The following SLC6A11 variants were observed in gnomAD, a reference collection of about 807,000 sequenced individuals.
The protein encoded by SLC6A11 is solute carrier family 6 member 11, also known as sodium- and chloride-dependent GABA transporter 3.
Under a neutral mutation model 74.8 loss-of-function variants are expected in SLC6A11, and 25 were observed. The observed-to-expected ratio is 0.33, with a 90% CI of 0.24 to 0.47. The LOEUF (loss-of-function observed/expected upper bound fraction) is 0.47. SLC6A11 is among the 20% of genes least tolerant of loss of function. The pLI, the probability that SLC6A11 is intolerant of heterozygous loss-of-function variation, is 1.00. For missense variants in SLC6A11, 574 were observed against 837.0 expected (o/e 0.69, Z 3.88); for synonymous variants, 330 against 330.2 (o/e 1.00, Z 0.01).
chr3:10,929,566 C>T (rs552477527), intron 10 of SLC6A11, among the ~76,000 whole-genome samples: 1 of 152,290 alleles, frequency 6.6e-6, no homozygotes, highest in Non-Finnish European at 1.5e-5. Context: ...GGCTGTTATT[C>T]ACAGAGGGGA....
intron 6 of SLC6A11, among the ~76,000 whole-genome samples, chr3:10,878,860 A>G (rs901233511): frequency 6.6e-6 from 1 of 152,202 alleles, no homozygotes; most frequent in African/African-American, 2.4e-5. Flanking sequence ...TTATGTGTGT[A>G]TATAATTGTG....
intron 7 of SLC6A11, 56 bp downstream of exon 7, chr3:10,912,249 C>A: frequency 8.5e-7 from 1 of 1,173,108 alleles, no homozygotes; most frequent in Non-Finnish European, 1.3e-6. Flanking sequence ...AGCCCTCTAA[C>A]CTGCCAGGCT....
At chr3:10,928,182 GTTATTA>G (rs962638791) in intron 9 of SLC6A11, among the ~76,000 whole-genome samples, 1 of 152,130 alleles carries the variant, frequency 6.6e-6, no homozygotes, top group Non-Finnish European at 1.5e-5. Flanking sequence ...TATTATTCGT[GTTATTA>G]TTATTAATTT....
intron 5 of SLC6A11, 66 bp downstream of exon 5, chr3:10,844,412 A>G (rs1694477864): frequency 2.5e-6 from 4 of 1,598,686 alleles, no homozygotes; most frequent in African/African-American, 1.3e-5. Context: ...GATGACCTAG[A>G]GAGTAACAGG....
intron 5 of SLC6A11, among the ~76,000 whole-genome samples, chr3:10,874,698 A>G (rs918943461): frequency 1.1e-4 from 17 of 151,978 alleles, no homozygotes; most frequent in Non-Finnish European, 2.5e-4. Context: ...GTTCCCCACA[A>G]CTGCCATCCC....
chr3:10,911,176 G>C (rs1695383682), intron 6 of SLC6A11, among the ~76,000 whole-genome samples: 1 of 152,176 alleles, frequency 6.6e-6, no homozygotes, highest in Non-Finnish European at 1.5e-5. Flanking sequence ...AATGCGTGCT[G>C]CCTGTACATT....
Position 10,938,604 on chromosome 3 carries a change from C to A in SLC6A11, c.*202C>A. 1 of 481,804 alleles carries A rather than the reference C, an allele frequency of 2.1e-6. No individual in the cohort carries two copies. Among genetic ancestry groups the A allele is most frequent in the Non-Finnish European group, 3.7e-6 (1 of 271,812 alleles). 29.8% of individuals were successfully genotyped at this position (481,804 alleles called of 1,614,324 possible). A position where few individuals can be genotyped will look rare whatever the true frequency, so the allele number is the denominator to read the frequency against. On this transcript the variant is annotated 3_prime_UTR_variant, in exon 14 of 14. Transcript: ENST00000254488. ...CCCCCAGTCATCATGGAAGTAACCA[C>A]TACAAAGAGATAACACTGTACGGGG...
At chr3:10,916,008 G>C (rs770617360) in intron 7 of SLC6A11, among the ~76,000 whole-genome samples, 1 of 152,112 alleles carries the variant, frequency 6.6e-6, no homozygotes, top group Non-Finnish European at 1.5e-5. Context: ...CCTAGTCCAC[G>C]GCTGGCATAC....
Position 10,915,520 on chromosome 3 carries a change from A to G in SLC6A11, c.996-2809A>G, listed in dbSNP as rs1436531592. On this transcript the variant is annotated intron_variant, in intron 7 of 13. Transcript: ENST00000254488. The surrounding 1 kb of genome is among the most constrained non-coding windows in gnomAD (Gnocchi z 4.3). ...TCTGGAGGTCTTAAAAGCCCAGCTCAGTGCCTGCCGACTTCAAAGCACTGT... is the reference window on the plus strand; with the variant it reads ...TCTGGAGGTCTTAAAAGCCCAGCTCGGTGCCTGCCGACTTCAAAGCACTGT... 6.6e-6 allele frequency among the ~76,000 whole-genome samples: 1 copy of G among 152,194 alleles called. No homozygotes were observed. Among genetic ancestry groups the G allele is most frequent in the Non-Finnish European group, 1.5e-5 (1 of 68,028 alleles).
At chr3:10,929,440 C>G (rs1695654280) in intron 10 of SLC6A11, 101 bp downstream of exon 10, 4 of 1,256,970 alleles carry the variant, frequency 3.2e-6, no homozygotes, top group Non-Finnish European at 4.5e-6. Context: ...AGGTCTAGTG[C>G]CCTCTGCCAC....
intron 5 of SLC6A11, among the ~76,000 whole-genome samples, chr3:10,859,750 T>C (rs532019830): frequency 6.6e-6 from 1 of 152,320 alleles, no homozygotes; most frequent in African/African-American, 2.4e-5. Flanking sequence ...ATATGCCATA[T>C]TTTGTCTAAT....
rs149700036 is a variant in SLC6A11 at position 10,934,928 on chromosome 3, C to A, written c.1576-101C>A. 1.2e-3 allele frequency: 1,252 copies of A among 1,039,242 alleles called. 16 individuals are homozygous for A. The African/African-American group carries it at 0.018, about 15-fold the overall frequency. 64.4% of individuals were successfully genotyped at this position (1,039,242 alleles called of 1,614,324 possible). A position where few individuals can be genotyped will look rare whatever the true frequency, so the allele number is the denominator to read the frequency against. ...CTGTGAAACAGGGCCAGCTTCCTCC[C>A]CTGCCAGCCTCTGGCTAGTCTGTTC... On this transcript the variant is annotated intron_variant, in intron 12 of 13. Coordinates refer to ENST00000254488, the MANE Select transcript of SLC6A11 (RefSeq NM_014229.3).
In SLC6A11 at chr3:10,939,101, C is replaced by T. The variant is rs1695793945; in HGVS notation, c.*699C>T. 1 of 152,206 alleles carries T rather than the reference C, an allele frequency of 6.6e-6. No homozygotes were observed. The highest frequency in any genetic ancestry group is 1.5e-5 in the Non-Finnish European group (1 of 68,052). The allele number at this position is 152,206 out of a possible 1,614,324, so 9.4% of individuals were successfully genotyped here. ...TTGTGTGCCTTGCTGGCTTCCAGACCTGCCGTGGACCTTGGCTTCCTCTGA... is the reference window on the plus strand; with the variant it reads ...TTGTGTGCCTTGCTGGCTTCCAGACTTGCCGTGGACCTTGGCTTCCTCTGA... On this transcript the variant is annotated 3_prime_UTR_variant, in exon 14 of 14. Coordinates refer to ENST00000254488, the MANE Select transcript of SLC6A11 (RefSeq NM_014229.3).
intron 6 of SLC6A11, among the ~76,000 whole-genome samples, chr3:10,889,297 A>AT (rs1158501880): frequency 6.6e-6 from 1 of 152,126 alleles, no homozygotes; most frequent in Non-Finnish European, 1.5e-5. Flanking sequence ...CATAGTTGAC[A>AT]TTGGAGTTCT....
intron 6 of SLC6A11, among the ~76,000 whole-genome samples, chr3:10,909,514 C>T (rs187783461): frequency 1.0e-3 from 157 of 152,210 alleles, no homozygotes; most frequent in Non-Finnish European, 1.8e-3. Context: ...CACTGAGTGA[C>T]GGGGTTCAGT....
At chr3:10,916,708 A>G (rs1243591735) in intron 7 of SLC6A11, among the ~76,000 whole-genome samples, 1 of 152,216 alleles carries the variant, frequency 6.6e-6, no homozygotes, top group East Asian at 1.9e-4. Context: ...GGGCAGGGAA[A>G]TATACTTCAC....
chr3:10,936,053 C>A (rs1006283512), intron 13 of SLC6A11, among the ~76,000 whole-genome samples: 4 of 152,176 alleles, frequency 2.6e-5, no homozygotes, highest in African/African-American at 9.7e-5. Flanking sequence ...TCCAGAGCGG[C>A]ACTCCCTATT....
At chr3:10,872,246 C>T (rs747109966) in intron 5 of SLC6A11, among the ~76,000 whole-genome samples, 3 of 152,202 alleles carry the variant, frequency 2.0e-5, no homozygotes, top group Non-Finnish European at 4.4e-5. Flanking sequence ...TGAGTAACTT[C>T]TCTGGCCTTT....
intron 7 of SLC6A11, 66 bp downstream of exon 7, chr3:10,912,259 T>G: frequency 1.8e-6 from 2 of 1,098,794 alleles, no homozygotes; most frequent in East Asian, 4.7e-5. Context: ...CCTGCCAGGC[T>G]AGTTTATGTT....
Sources: allele counts gnomAD v4.1 joint callset (sites outside exome capture counted in the v4.1 genomes callset), GRCh38; gene constraint gnomAD v4.1.1; non-coding constraint Gnocchi (gnomAD v3.1); transcripts MANE v1.5; gene names NCBI Gene and HGNC (gene_info 2026-07-23, HGNC 2026-07-21).